Variants in HACL1 observed in about 807,000 individuals in gnomAD.
The protein encoded by HACL1 is 2-hydroxyacyl-CoA lyase 1.
A neutral mutation model predicts 74.2 loss-of-function variants in HACL1; 64 were observed. That is an observed-to-expected ratio of 0.86 (90% CI 0.70 to 1.06). HACL1 has a LOEUF of 1.06. Ranked by LOEUF, HACL1 falls within the 50% of genes least tolerant of loss-of-function variation. The probability of loss-of-function intolerance (pLI) is 0.00; values close to 1 mark genes in which losing one functional copy is unlikely to be tolerated. For missense variants in HACL1, 728 were observed against 719.7 expected, an observed-to-expected ratio of 1.01 and a Z score of -0.13; for synonymous variants, 230 against 238.8, an observed-to-expected ratio of 0.96 and a Z score of 0.34.
At chr3:15,591,486 G>T (rs1033675284) in intron 4 of HACL1, 114 bp downstream of exon 4, 30 of 557,940 alleles carry the variant, frequency 5.4e-5, no homozygotes, top group Non-Finnish European at 9.4e-6. Context: ...TCTAAGAATT[G>T]AAGGGGTTTT....
At chr3:15,580,171 A>T (rs1280928614) in intron 8 of HACL1, 126 bp from the exon 9 acceptor site, 10 of 729,208 alleles carry the variant, frequency 1.4e-5, no homozygotes, top group Non-Finnish European at 1.8e-5. Flanking sequence ...TCTATCACCC[A>T]GGCTGGAGTG....
chr3:15,574,021 C>T (rs1055998938), intron 10 of HACL1, among the ~76,000 whole-genome samples: 2 of 152,124 alleles, frequency 1.3e-5, no homozygotes, highest in African/African-American at 4.8e-5. Flanking sequence ...AAGTTGACTC[C>T]TTAAGAAGTA....
intron 3 of HACL1, among the ~76,000 whole-genome samples, chr3:15,594,852 G>A (rs560539082): frequency 3.4e-4 from 52 of 152,250 alleles, no homozygotes; most frequent in African/African-American, 1.0e-3. Flanking sequence ...CTTTTCGGCC[G>A]GGCATGGTGG....
At chr3:15,574,682 C>T (rs1287509070) in intron 10 of HACL1, among the ~76,000 whole-genome samples, 1 of 152,210 alleles carries the variant, frequency 6.6e-6, no homozygotes, top group Non-Finnish European at 1.5e-5. Flanking sequence ...TCTCTTTTCT[C>T]TACCTTTAAA....
At chr3:15,595,309 CTATT>C (rs1230866431) in intron 3 of HACL1, among the ~76,000 whole-genome samples, 1 of 151,932 alleles carries the variant, frequency 6.6e-6, no homozygotes, top group Non-Finnish European at 1.5e-5. Context: ...ACTTGATGGC[CTATT>C]TTTTTCAGGT....
chr3:15,595,333 CAA>C (rs2064036644), intron 3 of HACL1, among the ~76,000 whole-genome samples: 1 of 151,970 alleles, frequency 6.6e-6, no homozygotes, highest in African/African-American at 2.4e-5. Flanking sequence ...TTCAAATTCA[CAA>C]GTTCCTTATC....
chr3:15,592,659 C>T, intron 3 of HACL1, among the ~76,000 whole-genome samples: 3 of 6 alleles, frequency 0.5, no homozygotes, highest in African/African-American at 0.5. Context: ...CACATGTACG[C>T]ACATGTGTGC....
In HACL1 at chr3:15,568,420, T is replaced by G; in HGVS notation, c.1250+12A>C. The G allele has an allele frequency of 6.6e-7, 1 of 1,518,128 alleles. No homozygotes were observed. Among genetic ancestry groups the G allele is most frequent in the Non-Finnish European group, 9.0e-7 (1 of 1,112,192 alleles). The allele number at this position is 1,518,128 out of a possible 1,614,324, so 94.0% of individuals were successfully genotyped here. A position where few individuals can be genotyped will look rare whatever the true frequency, so the allele number is the denominator to read the frequency against. ...AATGAATTACGACTTCTTTCTTCTT[T>G]AGAAGTCTTACCTGTGACGAGGAAG... is the stretch of plus-strand genomic sequence containing the variant. On this transcript the variant is annotated intron_variant, in intron 13 of 16. Coordinates refer to ENST00000321169, the MANE Select transcript of HACL1 (RefSeq NM_012260.4).
At chr3:15,588,068 AT>A (rs1396786469) in intron 5 of HACL1, among the ~76,000 whole-genome samples, 1 of 151,754 alleles carries the variant, frequency 6.6e-6, no homozygotes. Context: ...TAATTTTTGT[AT>A]TTTTAGTAGA....
At chr3:15,567,134 TAAA>T (rs990624941) in intron 14 of HACL1, among the ~76,000 whole-genome samples, 2 of 151,504 alleles carry the variant, frequency 1.3e-5, no homozygotes, top group Non-Finnish European at 2.9e-5. Context: ...TTAAGTGACT[TAAA>T]GTCACATGGC....
At chr3:15,596,453 C>T in intron 2 of HACL1, 29 bp from the exon 3 acceptor site, 1 of 1,453,998 alleles carries the variant, frequency 6.9e-7, no homozygotes, top group Non-Finnish European at 9.7e-7. Context: ...GGGACTTGAG[C>T]ATATTGGGAT....
intron 12 of HACL1, 51 bp downstream of exon 12, chr3:15,571,617 A>G: frequency 1.2e-6 from 1 of 837,970 alleles, no homozygotes. Flanking sequence ...GGCAGAAGTA[A>G]CTGAATCATG....
At chr3:15,581,723 T>A (rs1201732623) in intron 8 of HACL1, among the ~76,000 whole-genome samples, 1 of 152,182 alleles carries the variant, frequency 6.6e-6, no homozygotes, top group East Asian at 1.9e-4. Context: ...CCTCAACCTC[T>A]CTGTACACAC....
intron 9 of HACL1, among the ~76,000 whole-genome samples, chr3:15,576,535 CAT>C (rs1238543534): frequency 1.3e-5 from 2 of 152,146 alleles, no homozygotes; most frequent in African/African-American, 4.8e-5. Flanking sequence ...CTTTACTTCA[CAT>C]ATCTTTGCCC....
Position 15,563,488 on chromosome 3 carries a change from A to G in HACL1, c.1574T>C (p.Phe525Ser). 2 of 1,612,708 alleles carry G rather than the reference A, an allele frequency of 1.2e-6. No individual in the cohort carries two copies. Among genetic ancestry groups the G allele is most frequent in the Non-Finnish European group, 1.7e-6 (2 of 1,178,700 alleles). The stretch of plus-strand genomic sequence containing the variant: ...TTGTACAAAATACCCTTTGCCTCCA[A>G]ATGCAGTCATGACTTGCTCATAATG... Reference protein sequence around the residue: ...NSHYEQVMTAFGGKGYFVQTP... With the variant: ...NSHYEQVMTASGGKGYFVQTP... The change falls in exon 16 of 17, where the codon TTT becomes TCT. Residue 525 changes from phenylalanine (F) to serine (S), a missense_variant. Phe to Ser is a radical substitution (Grantham distance 155, BLOSUM62 -2). Coordinates refer to ENST00000321169, the MANE Select transcript of HACL1 (RefSeq NM_012260.4).
chr3:15,581,738 C>T (rs2063718374), intron 8 of HACL1, among the ~76,000 whole-genome samples: 1 of 152,204 alleles, frequency 6.6e-6, no homozygotes, highest in Non-Finnish European at 1.5e-5. Flanking sequence ...ACACACCACG[C>T]AAGAACATAC....
chr3:15,595,542 G>A (rs554211692), intron 3 of HACL1, among the ~76,000 whole-genome samples: 5 of 151,176 alleles, frequency 3.3e-5, no homozygotes, highest in East Asian at 1.9e-4. Context: ...GGAAAAAACT[G>A]GAAGAAAATG....
Position 15,563,378 on chromosome 3 carries a change from G to C in HACL1, c.1684C>G (p.Gln562Glu), listed in dbSNP as rs756338312. The C allele has an allele frequency of 6.2e-7, 1 of 1,613,012 alleles. No individual in the cohort carries two copies. The highest frequency in any genetic ancestry group is 1.3e-5 in the African/African-American group (1 of 74,872). ...PSLINIMIEP[Q>E]ATRKAQDFHW... is the part of the protein sequence containing the mutation. ...TTTACCTGGGCCTTCCGTGTGGCTTGTGGCTCAATCATGATGTTGATAAGA... is the reference window on the plus strand; with the variant it reads ...TTTACCTGGGCCTTCCGTGTGGCTTCTGGCTCAATCATGATGTTGATAAGA... Residue 562 changes from glutamine to glutamate, a missense_variant, in exon 16 of 17, where the codon CAA becomes GAA. Gln to Glu is a conservative substitution (Grantham distance 29). Coordinates refer to ENST00000321169, the MANE Select transcript of HACL1 (RefSeq NM_012260.4).
intron 11 of HACL1, 51 bp from the exon 12 acceptor site, chr3:15,571,820 C>CTTTTCTTTT (rs2063536411): frequency 3.3e-6 from 1 of 305,462 alleles, no homozygotes; most frequent in Non-Finnish European, 5.6e-6. Flanking sequence ...TTTTCTTTGC[C>CTTTTCTTTT]TTTTTTTTCT....
Sources: gnomAD v4.1 joint callset for allele counts (sites outside exome capture counted in the v4.1 genomes callset) on GRCh38, gnomAD v4.1.1 for gene constraint, MANE v1.5 for transcripts, NCBI Gene and HGNC (gene_info 2026-07-23, HGNC 2026-07-21) for gene names.